MX1: variants seen among roughly 807,000 people sequenced by gnomAD.
MX1 encodes interferon-induced GTP-binding protein Mx1.
MX1 carries 66 observed loss-of-function variants against 66.4 expected under a neutral mutation model. That is an observed-to-expected ratio of 0.99 (90% confidence interval 0.82 to 1.22). MX1 has a LOEUF of 1.22. MX1 is among the 50% of genes most tolerant of loss of function. The pLI, the probability that MX1 is intolerant of heterozygous loss-of-function variation, is 0.00. For missense variants in MX1, 787 were observed against 834.3 expected (o/e 0.94, Z 0.70); for synonymous variants, 311 against 318.1 (o/e 0.98, Z 0.24).
At position 41,449,071 on chromosome 21, in the gene MX1, G is replaced by A. The variant is rs999963304; in HGVS notation, c.1274-66G>A. The A allele has an allele frequency of 2.1e-6, 3 of 1,426,242 alleles. No homozygotes were observed. In the African/African-American group the frequency reaches 4.3e-5, roughly 21 times the overall value. The allele number at this position is 1,426,242 out of a possible 1,614,324, so 88.3% of individuals were successfully genotyped here. On this transcript the variant is annotated intron_variant, in intron 13 of 16. Transcript: ENST00000398598. ...TTTTCAGAAAATTTAGAATGGTATT[G>A]TGTTTAGAAAAATGTGCAAGATTAT...
At chr21:41,445,330 AG>A (rs1309266998) in intron 11 of MX1, 117 bp from the exon 12 acceptor site, 30 of 1,252,340 alleles carry the variant, frequency 2.4e-5, no homozygotes, top group Non-Finnish European at 2.9e-5. Context: ...TTCCTTTTAG[AG>A]GAAGCCAGGA....
upstream of MX1, chr21:41,421,921 A>T (rs1430911681): frequency 2.0e-5 from 3 of 152,370 alleles, no homozygotes; most frequent in Non-Finnish European, 4.4e-5. Context: ...TGCTAAGGGA[A>T]ACATCGAGCC....
intron 7 of MX1, among the ~76,000 whole-genome samples, chr21:41,438,398 G>C (rs2090420646): frequency 6.6e-6 from 1 of 152,166 alleles, no homozygotes; most frequent in Non-Finnish European, 1.5e-5. Flanking sequence ...GTTCTTCTCT[G>C]GGCTAGCTGG....
chr21:41,441,701 A>T lies in MX1; in HGVS notation c.731-15A>T. On this transcript the variant is annotated splice_polypyrimidine_tract_variant and intron_variant, in intron 9 of 16. Transcript: ENST00000398598. The surrounding 1 kb of genome is among the most constrained non-coding windows in gnomAD (Gnocchi z 4.0). The stretch of plus-strand genomic sequence containing the variant: ...GACTGAGCACGTTCTCTCCCCAAAT[A>T]CATCTGGCTCGCAGGAATCTTGACG... The T allele has an allele frequency of 6.2e-7, 1 of 1,613,956 alleles. No individual in the cohort carries two copies. Among genetic ancestry groups the T allele is most frequent in the Non-Finnish European group, 8.5e-7 (1 of 1,179,894 alleles).
At chr21:41,447,874 T>G (rs1469682424) in intron 13 of MX1, among the ~76,000 whole-genome samples, 1 of 152,102 alleles carries the variant, frequency 6.6e-6, no homozygotes, top group African/African-American at 2.4e-5. Flanking sequence ...CCCTAGTAGC[T>G]GGGATTATAG....
intron 8 of MX1, among the ~76,000 whole-genome samples, chr21:41,440,414 G>T (rs1206270739): frequency 2.6e-5 from 4 of 152,230 alleles, no homozygotes; most frequent in African/African-American, 9.6e-5. Context: ...GAACCAGGGA[G>T]GCTGTGATGA....
upstream of MX1, among the ~76,000 whole-genome samples, chr21:41,425,663 T>G (rs2090045033): frequency 2.6e-5 from 4 of 152,154 alleles, no homozygotes; most frequent in South Asian, 8.3e-4. Flanking sequence ...CACACACCCG[T>G]TTCCACCCTG....
Position 41,452,762 on chromosome 21 carries a change from G to A in MX1, c.1651G>A (p.Glu551Lys), listed in dbSNP as rs1440789408. ...ALQKVREKELEEEKKKKSWDF... is the reference protein window; with the variant it reads ...ALQKVREKELKEEKKKKSWDF... ...GCAGAAGGTCAGAGAGAAGGAGCTG[G>A]AAGAAGAAAAGAAGAAGAAATCCTG... The change falls in exon 16 of 17, where the codon GAA becomes AAA. Residue 551 changes from glutamate (E) to lysine (K), a missense_variant. Physicochemically the swap from Glu to Lys is moderately conservative, Grantham distance 56. Coordinates refer to ENST00000398598, the MANE Select transcript of MX1 (RefSeq NM_002462.5). The A allele has an allele frequency of 3.1e-6, 5 of 1,614,022 alleles. No homozygotes were observed. Among genetic ancestry groups the A allele is most frequent in the East Asian group, 2.2e-5 (1 of 44,886 alleles).
At position 41,441,253 on chromosome 21, in the gene MX1, G is replaced by C; in HGVS notation, c.730+228G>C. On this transcript the variant is annotated intron_variant, in intron 9 of 16. Coordinates refer to ENST00000398598, the MANE Select transcript of MX1 (RefSeq NM_002462.5). This position sits in a 1 kb window ranked among gnomAD's most constrained non-coding sequence, Gnocchi z 4.0. ...CCTGCCTCCACTAAGACCTGCTAAGGGAGCAGGTTTGGTGCCCACCAAGGC... is the reference window on the plus strand; with the variant it reads ...CCTGCCTCCACTAAGACCTGCTAAGCGAGCAGGTTTGGTGCCCACCAAGGC... The C allele has an allele frequency of 1.7e-6, 1 of 589,034 alleles. No homozygotes were observed. Among genetic ancestry groups the C allele is most frequent in the Non-Finnish European group, 2.9e-6 (1 of 349,698 alleles). 36.5% of individuals were successfully genotyped at this position (589,034 alleles called of 1,614,324 possible).
chr21:41,423,643 C>T (rs1029165383), upstream of MX1, among the ~76,000 whole-genome samples: 1 of 152,142 alleles, frequency 6.6e-6, no homozygotes, highest in Non-Finnish European at 1.5e-5. Context: ...ACATCCAGCT[C>T]GTCCCGTCTC....
At chr21:41,454,648 C>T (rs781705049) in intron 16 of MX1, among the ~76,000 whole-genome samples, 3 of 152,158 alleles carry the variant, frequency 2.0e-5, no homozygotes, top group Non-Finnish European at 4.4e-5. Context: ...ATTCAGTTAA[C>T]CTGAAGTACA....
intron 2 of MX1, among the ~76,000 whole-genome samples, 186 bp from the exon 3 acceptor site, chr21:41,427,569 C>T (rs563349210): frequency 6.6e-6 from 1 of 152,288 alleles, no homozygotes; most frequent in South Asian, 2.1e-4. Flanking sequence ...AAAGTGTAGC[C>T]TCTTCCATCT....
intron 13 of MX1, among the ~76,000 whole-genome samples, chr21:41,447,816 C>T (rs1249200153): frequency 6.6e-6 from 1 of 152,000 alleles, no homozygotes; most frequent in African/African-American, 2.4e-5. Flanking sequence ...GCTCACTGCA[C>T]CCTCTGCCTC....
At position 41,458,838 on chromosome 21, in the gene MX1, A is replaced by C; in HGVS notation, c.*80A>C. ...GGGTAGCCACTGGACTGACGACTTGAGTGCTCAGTAGTCAGACTGGATAGT... is the reference window on the plus strand; with the variant it reads ...GGGTAGCCACTGGACTGACGACTTGCGTGCTCAGTAGTCAGACTGGATAGT... On this transcript the variant is annotated 3_prime_UTR_variant, in exon 17 of 17. Coordinates refer to ENST00000398598, the MANE Select transcript of MX1 (RefSeq NM_002462.5). 1.3e-6 allele frequency: 2 copies of C among 1,525,012 alleles called. No individual in the cohort carries two copies. The highest frequency in any genetic ancestry group is 1.8e-6 in the Non-Finnish European group (2 of 1,138,664). The allele number at this position is 1,525,012 out of a possible 1,614,324, so 94.5% of individuals were successfully genotyped here.
At chr21:41,427,012 C>G (rs1038117128) in intron 1 of MX1, 194 bp from the exon 2 acceptor site, 2 of 152,322 alleles carry the variant, frequency 1.3e-5, no homozygotes, top group Admixed American at 1.3e-4. Context: ...ACAGCTGAGA[C>G]CTGCGCTCCC....
rs1321839763 is a variant in MX1 at position 41,440,883 on chromosome 21, A to G, written c.592-4A>G. 6.2e-7 allele frequency: 1 copy of G among 1,613,954 alleles called. No individual in the cohort carries two copies. Among genetic ancestry groups the G allele is most frequent in the Non-Finnish European group, 8.5e-7 (1 of 1,179,988 alleles). Reference sequence around the variant, plus strand: ...ACGAGTCACCTCCTCTCATTTCCTTACAGATCAAGACACTCATCAAGAAGT... The same window carrying G: ...ACGAGTCACCTCCTCTCATTTCCTTGCAGATCAAGACACTCATCAAGAAGT... On this transcript the variant is annotated splice_polypyrimidine_tract_variant and splice_region_variant and intron_variant, in intron 8 of 16. Transcript: ENST00000398598.
intron 7 of MX1, among the ~76,000 whole-genome samples, chr21:41,438,699 C>T (rs1457925897): frequency 6.6e-6 from 1 of 152,188 alleles, no homozygotes; most frequent in Non-Finnish European, 1.5e-5. Flanking sequence ...AGCGTGCATA[C>T]AGGGATGGAA....
intron 16 of MX1, among the ~76,000 whole-genome samples, chr21:41,455,037 G>A (rs2090926233): frequency 6.6e-6 from 1 of 151,904 alleles, no homozygotes; most frequent in African/African-American, 2.4e-5. Flanking sequence ...CTCCCAAGTA[G>A]CTGGGATTAC....
At chr21:41,433,316 T>G (rs1192548598) in intron 5 of MX1, among the ~76,000 whole-genome samples, 1 of 152,112 alleles carries the variant, frequency 6.6e-6, no homozygotes, top group Non-Finnish European at 1.5e-5. Flanking sequence ...TGTGCTGGAG[T>G]TTGAGGACCA....
Sources: allele counts gnomAD v4.1 joint callset (sites outside exome capture counted in the v4.1 genomes callset), GRCh38; gene constraint gnomAD v4.1.1; non-coding constraint Gnocchi (gnomAD v3.1); transcripts MANE v1.5; gene names NCBI Gene and HGNC (gene_info 2026-07-23, HGNC 2026-07-21).